The following MTCH1 variants were observed in gnomAD, a reference collection of about 807,000 sequenced individuals.
The protein encoded by MTCH1 is mitochondrial carrier 1, also known as mitochondrial carrier homolog 1.
In MTCH1, 23 loss-of-function variants were observed where a neutral mutation model predicts 49.3. The ratio of observed to expected loss-of-function variants is 0.47; its 90% CI spans 0.34 to 0.66. MTCH1 has a LOEUF of 0.66. Among genes scored for constraint, MTCH1 ranks in the 30% least tolerant of loss-of-function variants. The pLI is 0.01. For synonymous variants in MTCH1, 229 were observed against 215.2 expected, an observed-to-expected ratio of 1.06 and a Z score of -0.56; for missense variants, 397 against 532.1, an observed-to-expected ratio of 0.75 and a Z score of 2.50.
intron 11 of MTCH1, chr6:36,969,366 T>A (rs960741611): frequency 9.3e-7 from 1 of 1,080,552 alleles, no homozygotes. Context: ...CTTCTCAGCC[T>A]CGAGGCCACT....
chr6:36,986,058 C>A lies in MTCH1; in HGVS notation c.116G>T (p.Arg39Leu). Residue 39 changes from arginine (R) to leucine (L), a missense_variant, in exon 1 of 12, where the codon CGA becomes CTA. Around this residue, in one of 2 missense-constraint regions of MTCH1, gnomAD observed 145 missense variants for 143.8 expected, o/e 1.01. Coordinates refer to ENST00000373627, the MANE Select transcript of MTCH1 (RefSeq NM_001271641.2). Reference protein sequence around the residue: ...RGGAAAGVEARARDPPPAHRA... With the variant: ...RGGAAAGVEALARDPPPAHRA... ...GTGCGCGGGCGGTGGATCGCGAGCT[C>A]GAGCCTCGACCCCCGCCGCCGCTCC... The A allele has an allele frequency of 6.8e-7, 1 of 1,461,878 alleles. No individual in the cohort carries two copies. Among genetic ancestry groups the A allele is most frequent in the Non-Finnish European group, 9.0e-7 (1 of 1,115,788 alleles). The allele number at this position is 1,461,878 out of a possible 1,614,324, so 90.6% of individuals were successfully genotyped here. A position where few individuals can be genotyped will look rare whatever the true frequency, so the allele number is the denominator to read the frequency against.
At chr6:36,986,224 T>A (rs991167896), upstream of MTCH1, 2 of 1,374,220 alleles carry the variant, frequency 1.5e-6, no homozygotes, top group East Asian at 6.4e-5. Flanking sequence ...CCACGCCCCC[T>A]CACCGGCGTC....
intron 7 of MTCH1, among the ~76,000 whole-genome samples, chr6:36,973,719 T>C (rs1763760644): frequency 6.6e-6 from 1 of 152,226 alleles, no homozygotes; most frequent in Non-Finnish European, 1.5e-5. Flanking sequence ...AGGCATCTGT[T>C]GTGCGGGAAT....
chr6:36,979,445 T>G (rs769048860), intron 2 of MTCH1, among the ~76,000 whole-genome samples: 45 of 152,214 alleles, frequency 3.0e-4, no homozygotes, highest in Non-Finnish European at 5.7e-4. Flanking sequence ...TAGCAGAACA[T>G]TCTCTCAGAC....
rs777224461 is a variant in MTCH1 at position 36,968,894 on chromosome 6, T to C, written c.*9A>G. ...CCAGGTTGAGACCGTGTTTTTTAGATGATTCAGGTTACTCCAGGGCAAAGC... is the reference window on the plus strand; with the variant it reads ...CCAGGTTGAGACCGTGTTTTTTAGACGATTCAGGTTACTCCAGGGCAAAGC... On this transcript the variant is annotated 3_prime_UTR_variant, in exon 12 of 12. Coordinates refer to ENST00000373627, the MANE Select transcript of MTCH1 (RefSeq NM_001271641.2). 6.2e-7 allele frequency: 1 copy of C among 1,613,884 alleles called. No individual in the cohort carries two copies.
At chr6:36,969,873 T>C (rs1251066214) in intron 11 of MTCH1, 166 bp downstream of exon 11, 17 of 1,542,898 alleles carry the variant, frequency 1.1e-5, no homozygotes, top group Non-Finnish European at 1.5e-5. Flanking sequence ...TCTGAAATTA[T>C]GTAAGATGAA....
chr6:36,986,248 G>A (rs1411263368), upstream of MTCH1: 2 of 1,302,068 alleles, frequency 1.5e-6, no homozygotes, highest in Non-Finnish European at 2.0e-6. Context: ...GGGCGGGGCC[G>A]GGGCGCACCA....
chr6:36,983,480 A>G (rs1009652966), intron 1 of MTCH1, among the ~76,000 whole-genome samples: 1 of 152,152 alleles, frequency 6.6e-6, no homozygotes, highest in African/African-American at 2.4e-5. Flanking sequence ...ATGGCTCCCA[A>G]ATCTGTTGAA....
At chr6:36,976,657 T>G (rs527664383) in intron 6 of MTCH1, 1 of 460,688 alleles carries the variant, frequency 2.2e-6, no homozygotes, top group East Asian at 7.0e-5. Context: ...GCAACCCAGG[T>G]GTGTCCTTCA....
At chr6:36,981,139 T>C (rs1270046737) in intron 2 of MTCH1, among the ~76,000 whole-genome samples, 1 of 152,064 alleles carries the variant, frequency 6.6e-6, no homozygotes, top group South Asian at 2.1e-4. Flanking sequence ...GCCTGAGGAA[T>C]GCAGGGGAAA....
intron 8 of MTCH1, 112 bp from the exon 9 acceptor site, chr6:36,970,806 A>T: frequency 8.4e-7 from 1 of 1,193,718 alleles, no homozygotes; most frequent in Non-Finnish European, 1.2e-6. Context: ...AGCACGCTGC[A>T]CATGCCTTTC....
At chr6:36,984,953 A>G (rs1764243564) in intron 1 of MTCH1, among the ~76,000 whole-genome samples, 1 of 151,716 alleles carries the variant, frequency 6.6e-6, no homozygotes, top group East Asian at 1.9e-4. Flanking sequence ...TCTGACCCCA[A>G]CTATGACTTC....
Position 36,977,302 on chromosome 6 carries a change from T to C in MTCH1, c.650-52A>G, listed in dbSNP as rs778945277. The C allele has an allele frequency of 6.3e-7, 1 of 1,598,240 alleles. No individual in the cohort carries two copies. Among genetic ancestry groups the C allele is most frequent in the Middle Eastern group, 1.7e-4 (1 of 6,032 alleles). ...AGGTGATGTGGTGGGCCACACTTCA[T>C]AATGCTCCAGCCACCGGGTGCCAGG... On this transcript the variant is annotated intron_variant, in intron 5 of 11. Transcript: ENST00000373627. The surrounding 1 kb of genome is among the most constrained non-coding windows in gnomAD (Gnocchi z 5.4).
At chr6:36,981,483 C>T (rs1180112437) in intron 2 of MTCH1, 105 bp downstream of exon 2, 8 of 1,012,562 alleles carry the variant, frequency 7.9e-6, no homozygotes, top group African/African-American at 6.5e-5. Flanking sequence ...AGCTCGACTG[C>T]GTGCCATGCT....
intron 1 of MTCH1, among the ~76,000 whole-genome samples, chr6:36,983,532 G>C (rs1764182245): frequency 6.6e-6 from 1 of 152,054 alleles, no homozygotes; most frequent in Admixed American, 6.5e-5. Context: ...AGGCACACTG[G>C]CTGTATCTCA....
upstream of MTCH1, chr6:36,986,234 C>T: frequency 7.4e-7 from 1 of 1,357,976 alleles, no homozygotes; most frequent in Non-Finnish European, 9.5e-7. Flanking sequence ...TCACCGGCGT[C>T]AGGGGGCGGG....
chr6:36,969,545 T>A, intron 11 of MTCH1: 2 of 1,144,890 alleles, frequency 1.7e-6, no homozygotes, highest in South Asian at 3.9e-5. Flanking sequence ...AACCCAAGGT[T>A]GGTACTGCTG....
At chr6:36,979,645 G>A (rs1460144302) in intron 2 of MTCH1, among the ~76,000 whole-genome samples, 1 of 152,216 alleles carries the variant, frequency 6.6e-6, no homozygotes, top group Non-Finnish European at 1.5e-5. Context: ...AGATGAGGGT[G>A]GGCTGGAAGG....
At chr6:36,978,203 G>A in intron 3 of MTCH1, 48 bp from the exon 4 acceptor site, 1 of 1,501,262 alleles carries the variant, frequency 6.7e-7, no homozygotes, top group Non-Finnish European at 9.3e-7. Context: ...CCTCTTCCAT[G>A]GAACTCTTCG....
Sources: gnomAD v4.1 joint callset for allele counts (sites outside exome capture counted in the v4.1 genomes callset) on GRCh38, gnomAD v4.1.1 for gene constraint, gnomAD v4.1.1 regional missense constraint, Gnocchi (gnomAD v3.1) non-coding constraint, MANE v1.5 for transcripts, NCBI Gene and HGNC (gene_info 2026-07-23, HGNC 2026-07-21) for gene names.